CCDC22: variants seen among roughly 807,000 people sequenced by gnomAD.
CCDC22 encodes the protein CCC complex scaffolding subunit CCDC22, also known as coiled-coil domain-containing protein 22.
CCDC22 carries 4 observed loss-of-function variants against 53.1 expected under a neutral mutation model. The ratio of observed to expected loss-of-function variants is 0.08; its 90% confidence interval spans 0.04 to 0.17. The LOEUF is 0.17. Among genes scored for constraint, CCDC22 ranks in the 10% least tolerant of loss-of-function variants. The pLI, the probability that CCDC22 is intolerant of heterozygous loss-of-function variation, is 1.00. For synonymous variants in CCDC22, 222 were observed against 224.4 expected, an observed-to-expected ratio of 0.99 and a Z score of 0.10; for missense variants, 458 against 554.0, an observed-to-expected ratio of 0.83 and a Z score of 1.74.
rs368390290 is a variant in CCDC22, at chrX:49,248,689, G to C, written c.1386G>C (p.Ala462=). The change falls in exon 12 of 17, where the codon GCG becomes GCC. Residue 462 remains alanine, a synonymous_variant. Transcript: ENST00000376227. ...EIQELHQSVR[A]AAEEARRKEE... ...AAGAACTGCACCAGAGTGTCCGGGC[G>C]GCTGCTGAAGAGGCCCGCAGGAAGG... 1 of 1,208,789 alleles carries C rather than the reference G, an allele frequency of 8.3e-7. No individual in the cohort carries two copies. Among genetic ancestry groups the C allele is most frequent in the Admixed American group, 2.2e-5 (1 of 45,647 alleles).
Position 49,235,797 on chromosome X carries a change from A to C in CCDC22, c.50+111A>C, listed in dbSNP as rs2065933400. 1.1e-5 allele frequency: 6 copies of C among 564,263 alleles called. No individual in the cohort carries two copies. The East Asian group carries it at 2.2e-4, about 21-fold the overall frequency. The allele number at this position is 564,263 out of a possible 1,213,427, so 46.5% of individuals were successfully genotyped here. ...CGGGATCCTGACATTCAGGGCTCCA[A>C]CTCCAGGATCCTAAGACCCTCACCC... On this transcript the variant is annotated intron_variant, in intron 1 of 16. Coordinates refer to ENST00000376227, the MANE Select transcript of CCDC22 (RefSeq NM_014008.5).
chrX:49,241,470 G>C (rs782543314), intron 2 of CCDC22, among the ~76,000 whole-genome samples: 1 of 86,920 alleles, frequency 1.2e-5, no homozygotes, highest in Non-Finnish European at 2.2e-5. Flanking sequence ...CTGAGCGACA[G>C]AGCGAGACCC....
intron 3 of CCDC22, among the ~76,000 whole-genome samples, 172 bp from the exon 4 acceptor site, chrX:49,242,714 G>A (rs782099564): frequency 1.7e-4 from 19 of 111,363 alleles, no homozygotes; most frequent in South Asian, 7.6e-4. Flanking sequence ...CTAGAACAGC[G>A]ACCTGTACAT....
chrX:49,244,860 T>C (rs2065981547), intron 6 of CCDC22, among the ~76,000 whole-genome samples: 1 of 111,075 alleles, frequency 9.0e-6, no homozygotes, highest in Non-Finnish European at 1.9e-5. Flanking sequence ...GAGCCCCCTC[T>C]TCTTCTCTGT....
In CCDC22 at chrX:49,235,633, C is replaced by T; in HGVS notation, c.-4C>T. ...CCAGCCCCCGACTCCGACACGGCTC[C>T]ACCATGGAGGAGGCGGACCGAATCC... On this transcript the variant is annotated 5_prime_UTR_variant, in exon 1 of 17. Coordinates refer to ENST00000376227, the MANE Select transcript of CCDC22 (RefSeq NM_014008.5). 8.5e-7 allele frequency: 1 copy of T among 1,179,442 alleles called. No homozygotes were observed. Among genetic ancestry groups the T allele is most frequent in the Non-Finnish European group, 1.1e-6 (1 of 879,171 alleles).
chrX:49,243,257 G>A, intron 5 of CCDC22, 27 bp from the exon 6 acceptor site: 1 of 1,198,271 alleles, frequency 8.3e-7, no homozygotes, highest in Non-Finnish European at 1.1e-6. Context: ...ATGCGGCAGG[G>A]CCAGCTGACT....
chrX:49,239,527 C>A, intron 2 of CCDC22: 1 of 607,290 alleles, frequency 1.6e-6, no homozygotes, highest in Non-Finnish European at 2.0e-6. Flanking sequence ...AGAGTAACTA[C>A]CGTGAAAACT....
chrX:49,241,380 C>T (rs982096176), intron 2 of CCDC22, among the ~76,000 whole-genome samples: 5 of 106,567 alleles, frequency 4.7e-5, no homozygotes, highest in Non-Finnish European at 3.8e-5. Context: ...CCCAGCTACT[C>T]GGGAGGCTGC....
intron 9 of CCDC22, 125 bp downstream of exon 9, chrX:49,247,893 C>T: frequency 1.1e-6 from 1 of 915,217 alleles, no homozygotes; most frequent in Non-Finnish European, 1.5e-6. Flanking sequence ...TTCCTGGGAG[C>T]CATTAGGGAT....
At chrX:49,248,155 G>A in intron 9 of CCDC22, 36 bp from the exon 10 acceptor site, 1 of 1,199,012 alleles carries the variant, frequency 8.3e-7, no homozygotes, top group Non-Finnish European at 1.1e-6. Flanking sequence ...GAGCTCCATG[G>A]GGGCTGTGGC....
At chrX:49,236,911 C>T (rs1465439376) in intron 1 of CCDC22, 175 bp from the exon 2 acceptor site, 3 of 382,984 alleles carry the variant, frequency 7.8e-6, no homozygotes, top group African/African-American at 5.1e-5. Context: ...TTGAGGATTT[C>T]CCTAGTTCCT....
At chrX:49,250,002 G>C (rs2147943103) in intron 16 of CCDC22, 146 bp from the exon 17 acceptor site, 1 of 473,659 alleles carries the variant, frequency 2.1e-6, no homozygotes, top group African/African-American at 2.4e-5. Flanking sequence ...TGGGTAGAGG[G>C]AACACCACAC....
In CCDC22 at chrX:49,246,818, C is replaced by A. The variant is rs1420650459; in HGVS notation, c.802C>A (p.Gln268Lys). 4.2e-6 allele frequency: 5 copies of A among 1,197,959 alleles called. No individual in the cohort carries two copies. Among genetic ancestry groups the A allele is most frequent in the Non-Finnish European group, 5.6e-6 (5 of 888,579 alleles). ...QSWGLLGAPI[Q>K]ARDLGELLQA... The stretch of plus-strand genomic sequence containing the variant: ...CTGGGGCCTGCTTGGGGCCCCCATA[C>A]AAGCCCGGGACCTGGGAGAACTGCT... The change falls in exon 7 of 17, where the codon CAA becomes AAA. Residue 268 changes from glutamine to lysine, a missense_variant. This residue lies in a region of CCDC22 where 309 missense variants were observed against 312.3 expected (regional missense o/e 0.99). Coordinates refer to ENST00000376227, the MANE Select transcript of CCDC22 (RefSeq NM_014008.5).
At position 49,235,547 on chromosome X, in the gene CCDC22, C is replaced by A; in HGVS notation, c.-90C>A. 1.2e-6 allele frequency: 1 copy of A among 848,144 alleles called. No homozygotes were observed. Among genetic ancestry groups the A allele is most frequent in the Non-Finnish European group, 1.7e-6 (1 of 580,998 alleles). 69.9% of individuals were successfully genotyped at this position (848,144 alleles called of 1,213,427 possible). ...CACACGACCCGTGACACTCTGTGGA[C>A]CGCGAGCACGGAGCAGGGTTTCTAC... On this transcript the variant is annotated 5_prime_UTR_variant, in exon 1 of 17. Transcript: ENST00000376227.
intron 2 of CCDC22, among the ~76,000 whole-genome samples, chrX:49,238,601 T>G (rs367785257): frequency 1.8e-5 from 2 of 112,901 alleles, no homozygotes; most frequent in Non-Finnish European, 3.7e-5. Flanking sequence ...AATATTTTAA[T>G]TTTTTTAGAG....
Position 49,250,503 on chromosome X carries a change from A to C in CCDC22, c.*242A>C. ...GTTGGGGGCCTTGGATCCCAAATAA[A>C]TGAGTAGTTCCTCTGCAGTCTAAGC... On this transcript the variant is annotated 3_prime_UTR_variant, in exon 17 of 17. Transcript: ENST00000376227. 1 of 472,584 alleles carries C rather than the reference A, an allele frequency of 2.1e-6. No homozygotes were observed. Among genetic ancestry groups the C allele is most frequent in the East Asian group, 4.1e-5 (1 of 24,340 alleles). The allele number at this position is 472,584 out of a possible 1,213,427, so 38.9% of individuals were successfully genotyped here.
intron 6 of CCDC22, among the ~76,000 whole-genome samples, chrX:49,245,500 A>G (rs1557114046): frequency 1.8e-5 from 2 of 110,797 alleles, no homozygotes; most frequent in East Asian, 5.7e-4. Context: ...AGCCTCCCAC[A>G]TAGCTAGGAC....
intron 1 of CCDC22, among the ~76,000 whole-genome samples, chrX:49,236,212 T>A (rs2065937456): frequency 9.2e-6 from 1 of 108,170 alleles, no homozygotes; most frequent in East Asian, 2.9e-4. Flanking sequence ...TCTTTTTTTT[T>A]TTTTTCCTTT....
At chrX:49,240,567 A>G (rs1407532558) in intron 2 of CCDC22, among the ~76,000 whole-genome samples, 1 of 111,686 alleles carries the variant, frequency 9.0e-6, no homozygotes, top group Non-Finnish European at 1.9e-5. Flanking sequence ...AAAAAATAAA[A>G]AACAGGTACA....
Sources: allele counts gnomAD v4.1 joint callset (sites outside exome capture counted in the v4.1 genomes callset), GRCh38; gene constraint gnomAD v4.1.1; regional missense constraint gnomAD v4.1.1; transcripts MANE v1.5; gene names NCBI Gene and HGNC (gene_info 2026-07-23, HGNC 2026-07-21).